Variants in PIK3C2G observed in about 807,000 individuals in gnomAD.
PIK3C2G encodes phosphatidylinositol 3-kinase C2 domain-containing subunit gamma.
A neutral mutation model predicts 181.1 loss-of-function variants in PIK3C2G; 168 were observed. That is an observed-to-expected ratio of 0.93 (90% CI 0.82 to 1.05). The LOEUF is 1.05. PIK3C2G is among the 50% of genes least tolerant of loss of function. PIK3C2G has a pLI of 0.00. For synonymous variants in PIK3C2G, 573 were observed against 592.2 expected (o/e 0.97, Z 0.47); for missense variants, 1,869 against 1,732.8 (o/e 1.08, Z -1.40).
chr12:18,710,977 G>C, the PIK3C2G span, among the ~76,000 whole-genome samples: 2 of 152,002 alleles, frequency 1.3e-5, no homozygotes, highest in Non-Finnish European at 2.9e-5. Flanking sequence ...TCAGTGTGGC[G>C]ATTCCTCAGG....
At chr12:18,387,943 A>T (rs1943280567) in intron 14 of PIK3C2G, among the ~76,000 whole-genome samples, 2 of 152,142 alleles carry the variant, frequency 1.3e-5, no homozygotes, top group African/African-American at 2.4e-5. Flanking sequence ...TCTAAGCAAG[A>T]CGTCTCCTTA....
chr12:18,472,176 A>G (rs1011995278), intron 18 of PIK3C2G, among the ~76,000 whole-genome samples: 1 of 152,222 alleles, frequency 6.6e-6, no homozygotes, highest in African/African-American at 2.4e-5. Context: ...GGAAAAGAAG[A>G]AACAGATTAA....
At chr12:18,267,737 A>G (rs568471090) in intron 1 of PIK3C2G, among the ~76,000 whole-genome samples, 1 of 152,298 alleles carries the variant, frequency 6.6e-6, no homozygotes, top group South Asian at 2.1e-4. Flanking sequence ...TTCATGTCCA[A>G]TTGACTATTT....
intron 9 of PIK3C2G, among the ~76,000 whole-genome samples, chr12:18,339,687 G>A (rs992766183): frequency 6.6e-6 from 1 of 152,040 alleles, no homozygotes; most frequent in Admixed American, 6.6e-5. Context: ...ATAGATAAGT[G>A]GGTATGAAAA....
chr12:18,500,236 C>T (rs1224137124), intron 22 of PIK3C2G, among the ~76,000 whole-genome samples: 1 of 151,870 alleles, frequency 6.6e-6, no homozygotes. Flanking sequence ...GCCCCGCACT[C>T]GGAGCGGCCG....
chr12:18,496,012 G>A, intron 20 of PIK3C2G, 50 bp from the exon 21 acceptor site: 1 of 948,132 alleles, frequency 1.1e-6, no homozygotes, highest in Non-Finnish European at 1.6e-6. Context: ...TTTGGGGATT[G>A]GGGTCTGATT....
At chr12:18,309,609 T>C (rs1044778900) in intron 5 of PIK3C2G, among the ~76,000 whole-genome samples, 1 of 151,848 alleles carries the variant, frequency 6.6e-6, no homozygotes, top group African/African-American at 2.4e-5. Flanking sequence ...ACAACTTCTA[T>C]ATTATAGTAT....
chr12:18,264,235 A>G (rs1398318217), intron 1 of PIK3C2G, among the ~76,000 whole-genome samples: 1 of 152,206 alleles, frequency 6.6e-6, no homozygotes, highest in East Asian at 1.9e-4. Context: ...CAACTTACAT[A>G]GTATTATAGT....
chr12:18,468,834 G>A (rs1938170383), intron 18 of PIK3C2G, among the ~76,000 whole-genome samples: 1 of 152,008 alleles, frequency 6.6e-6, no homozygotes, highest in South Asian at 2.1e-4. Flanking sequence ...TTATTGCTGT[G>A]AAGAAGAGAC....
chr12:18,688,106 C>T, the PIK3C2G span: 42 of 1,610,948 alleles, frequency 2.6e-5, no homozygotes, highest in East Asian at 6.7e-5. Flanking sequence ...TTTAATTACA[C>T]GAGTCTGCTG....
the PIK3C2G span, among the ~76,000 whole-genome samples, chr12:18,704,831 GTCTAGAACTTTTGCCACTT>G: frequency 3.0e-4 from 45 of 152,260 alleles, no homozygotes; most frequent in Non-Finnish European, 5.3e-4. Context: ...ACTATTTATA[GTCTAGAACTTTTGCCACTT>G]TCTAGGACTT....
chr12:18,468,524 T>A (rs773531489), intron 18 of PIK3C2G, among the ~76,000 whole-genome samples: 2 of 152,102 alleles, frequency 1.3e-5, no homozygotes, highest in African/African-American at 2.4e-5. Flanking sequence ...AATATCCTTA[T>A]ATTCTATTAT....
intron 14 of PIK3C2G, among the ~76,000 whole-genome samples, chr12:18,385,077 G>A (rs577493623): frequency 3.3e-5 from 5 of 152,096 alleles, no homozygotes; most frequent in African/African-American, 9.6e-5. Flanking sequence ...TATGAGTCTC[G>A]GGGAAAGACA....
chr12:18,656,983 T>C, the PIK3C2G span, among the ~76,000 whole-genome samples: 1 of 152,158 alleles, frequency 6.6e-6, no homozygotes, highest in African/African-American at 2.4e-5. Flanking sequence ...ATTTTTTGTA[T>C]AGGGTCCTAA....
the PIK3C2G span, chr12:18,723,548 A>G: frequency 2.5e-6 from 4 of 1,604,710 alleles, no homozygotes; most frequent in South Asian, 1.1e-5. Context: ...TTGTCCTACT[A>G]AAAAAATGAC....
chr12:18,266,444 C>T (rs916439866), intron 1 of PIK3C2G, among the ~76,000 whole-genome samples: 14 of 152,152 alleles, frequency 9.2e-5, no homozygotes, highest in African/African-American at 1.9e-4. Flanking sequence ...CTCATTAATA[C>T]GGAGTAAATT....
intron 5 of PIK3C2G, among the ~76,000 whole-genome samples, chr12:18,304,606 T>C (rs1950342843): frequency 6.6e-6 from 1 of 152,218 alleles, no homozygotes; most frequent in Non-Finnish European, 1.5e-5. Context: ...ATTGAAATAG[T>C]CTTGTACTCA....
the PIK3C2G span, chr12:18,685,596 C>T: frequency 1.9e-6 from 1 of 514,370 alleles, no homozygotes; most frequent in Non-Finnish European, 3.9e-6. Flanking sequence ...AGGGTGCAGT[C>T]TATGCCCACA....
In PIK3C2G at chr12:18,546,614, AG is replaced by A. The variant is rs1177845571; in HGVS notation, c.3590+183del. 2.0e-5 allele frequency among the ~76,000 whole-genome samples: 3 copies of A among 152,044 alleles called. No homozygotes were observed. The East Asian group carries it at 5.8e-4, about 29-fold the overall frequency. ...ATGTGAATGTCTAGCAGAAGGCCTT[AG>A]TCAGTGTTTCTGCAGCATGTCATTG... On this transcript the variant is annotated intron_variant, in intron 26 of 32. Transcript: ENST00000538779.
Sources: allele counts gnomAD v4.1 joint callset (sites outside exome capture counted in the v4.1 genomes callset), GRCh38; gene constraint gnomAD v4.1.1; transcripts MANE v1.5; gene names NCBI Gene and HGNC (gene_info 2026-07-23, HGNC 2026-07-21).